BACH2: variants seen among roughly 807,000 people sequenced by gnomAD.
BACH2 encodes the protein BACH transcriptional regulator 2, also known as transcription regulator protein BACH2.
Under a neutral mutation model 61.8 loss-of-function variants are expected in BACH2, and 5 were observed. That is an observed-to-expected ratio of 0.08 (90% CI 0.04 to 0.17). The LOEUF (loss-of-function observed/expected upper bound fraction) is 0.17, where lower values mean the gene tolerates loss of function less well. BACH2 is among the 10% of genes least tolerant of loss of function. BACH2 has a pLI of 1.00. For missense variants in BACH2, 824 were observed against 1,091.1 expected (o/e 0.76, Z 3.45); for synonymous variants, 446 against 440.1 (o/e 1.01, Z -0.17).
At chr6:90,287,111 G>A (rs1251508378) in intron 1 of BACH2, among the ~76,000 whole-genome samples, 1 of 152,150 alleles carries the variant, frequency 6.6e-6, no homozygotes, top group Non-Finnish European at 1.5e-5. Context: ...AACATAGCAT[G>A]GTTGCTGGAG....
At chr6:90,178,682 C>CA (rs139634115) in intron 4 of BACH2, among the ~76,000 whole-genome samples, 155 of 151,250 alleles carry the variant, frequency 1.0e-3, no homozygotes, top group African/African-American at 3.3e-3. Context: ...ACTTGTCACT[C>CA]AAAAAAAAAG....
chr6:90,114,350 G>A (rs966328249), intron 4 of BACH2, among the ~76,000 whole-genome samples: 1 of 152,062 alleles, frequency 6.6e-6, no homozygotes, highest in African/African-American at 2.4e-5. Flanking sequence ...TCGGATGCAG[G>A]GTTGGTTCAA....
chr6:89,952,142 T>C, intron 6 of BACH2: 1 of 437,802 alleles, frequency 2.3e-6, no homozygotes, highest in South Asian at 3.0e-5. Context: ...GTGTTTACAC[T>C]AATGAAATAT....
chr6:90,125,405 C>T (rs1783803176), intron 4 of BACH2, among the ~76,000 whole-genome samples: 2 of 152,134 alleles, frequency 1.3e-5, no homozygotes, highest in Non-Finnish European at 2.9e-5. Flanking sequence ...TTTTAAAAAC[C>T]TTCTTGGTTA....
chr6:90,038,478 A>G (rs745319633), intron 5 of BACH2, among the ~76,000 whole-genome samples: 12 of 152,158 alleles, frequency 7.9e-5, no homozygotes, highest in Admixed American at 5.2e-4. Context: ...TGTTGTGTAT[A>G]AGAGTGGTTT....
intron 4 of BACH2, among the ~76,000 whole-genome samples, chr6:90,119,530 C>A (rs1783539562): frequency 6.6e-6 from 1 of 151,928 alleles, no homozygotes; most frequent in African/African-American, 2.4e-5. Context: ...ACTTAAAAGC[C>A]TGAAATTTGA....
chr6:90,105,669 A>T (rs957870210), intron 4 of BACH2, among the ~76,000 whole-genome samples: 1 of 152,236 alleles, frequency 6.6e-6, no homozygotes, highest in African/African-American at 2.4e-5. Flanking sequence ...GGAGTTTCCC[A>T]AAGTAATTTA....
intron 4 of BACH2, among the ~76,000 whole-genome samples, chr6:90,109,019 T>C (rs1328979889): frequency 6.6e-6 from 1 of 152,200 alleles, no homozygotes; most frequent in African/African-American, 2.4e-5. Flanking sequence ...TCCACTGGCA[T>C]ATCTTAAATC....
intron 5 of BACH2, among the ~76,000 whole-genome samples, chr6:90,057,350 C>T (rs552135613): frequency 3.3e-5 from 5 of 152,136 alleles, no homozygotes; most frequent in South Asian, 2.1e-4. Flanking sequence ...AACACCTCTA[C>T]GCAAATAAAC....
chr6:89,999,975 T>C (rs1334224933), intron 6 of BACH2, among the ~76,000 whole-genome samples: 2 of 152,248 alleles, frequency 1.3e-5, no homozygotes, highest in African/African-American at 4.8e-5. Context: ...TAGGTTTTTG[T>C]CTACTCAACT....
intron 7 of BACH2, among the ~76,000 whole-genome samples, chr6:89,947,364 G>T (rs1044298332): frequency 1.3e-5 from 2 of 152,150 alleles, no homozygotes; most frequent in African/African-American, 4.8e-5. Context: ...AGCAGTCATG[G>T]CAAGTCCCTG....
At chr6:89,936,408 C>T (rs919177802) in intron 8 of BACH2, among the ~76,000 whole-genome samples, 14 of 152,294 alleles carry the variant, frequency 9.2e-5, no homozygotes, top group Admixed American at 5.9e-4. Context: ...TCCCAAAGTA[C>T]TGCGATTACA....
intron 4 of BACH2, among the ~76,000 whole-genome samples, chr6:90,179,275 G>T (rs1178975094): frequency 6.6e-6 from 1 of 151,996 alleles, no homozygotes; most frequent in African/African-American, 2.4e-5. Flanking sequence ...TCATAATGAA[G>T]ATTTTAATGA....
chr6:90,132,780 A>G (rs1784121642), intron 4 of BACH2, among the ~76,000 whole-genome samples: 1 of 152,218 alleles, frequency 6.6e-6, no homozygotes, highest in South Asian at 2.1e-4. Flanking sequence ...ATGGCCCCCA[A>G]CAACTTGGTG....
chr6:90,205,482 G>T (rs1769112301), intron 4 of BACH2, among the ~76,000 whole-genome samples: 1 of 152,070 alleles, frequency 6.6e-6, no homozygotes, highest in African/African-American at 2.4e-5. Flanking sequence ...GACATTTTTG[G>T]TTGTCACAAT....
rs527889104 is a variant in BACH2, at chr6:89,988,749, C to A, written c.243+19853G>T. ...ATATCTATTATTTATCAAGACTGGG[C>A]AAAAATTAGGAAAGAAAATCGTTTC... On this transcript the variant is annotated intron_variant, in intron 6 of 8. Coordinates refer to ENST00000257749, the MANE Select transcript of BACH2 (RefSeq NM_021813.4). 1.8e-3 allele frequency among the ~76,000 whole-genome samples: 267 copies of A among 152,162 alleles called. 3 individuals carry two copies. Among genetic ancestry groups the A allele is most frequent in the African/African-American group, 5.7e-3 (237 of 41,518 alleles).
intron 3 of BACH2, among the ~76,000 whole-genome samples, chr6:90,237,840 G>A (rs575320628): frequency 6.6e-6 from 1 of 152,300 alleles, no homozygotes; most frequent in South Asian, 2.1e-4. Context: ...AAGGTGGACA[G>A]ACACTCAACG....
At chr6:89,992,644 CAAAAAG>C (rs919035486) in intron 6 of BACH2, among the ~76,000 whole-genome samples, 4 of 151,716 alleles carry the variant, frequency 2.6e-5, no homozygotes, top group African/African-American at 9.7e-5. Context: ...CTCTGTCACA[CAAAAAG>C]AAAAACAATC....
intron 5 of BACH2, among the ~76,000 whole-genome samples, chr6:90,032,180 C>A (rs951943663): frequency 6.6e-6 from 1 of 151,704 alleles, no homozygotes. Context: ...TGGATCCCTT[C>A]CTTACACCTT....
Sources: allele counts gnomAD v4.1 joint callset (sites outside exome capture counted in the v4.1 genomes callset), GRCh38; gene constraint gnomAD v4.1.1; transcripts MANE v1.5; gene names NCBI Gene and HGNC (gene_info 2026-07-23, HGNC 2026-07-21).